LMBR1: variants seen among roughly 807,000 people sequenced by gnomAD.
The protein encoded by LMBR1 is limb region 1 protein homolog.
A neutral mutation model predicts 73.9 loss-of-function variants in LMBR1; 52 were observed. The observed-to-expected ratio is 0.70, with a 90% confidence interval of 0.56 to 0.89. The LOEUF is 0.89. Among genes scored for constraint, LMBR1 ranks in the 40% least tolerant of loss-of-function variants. The pLI is 0.00. For missense variants in LMBR1, 539 were observed against 579.8 expected (o/e 0.93, Z 0.72); for synonymous variants, 215 against 209.4 (o/e 1.03, Z -0.23).
intron 1 of LMBR1, among the ~76,000 whole-genome samples, chr7:156,875,268 G>T (rs1799984366): frequency 6.6e-6 from 1 of 151,964 alleles, no homozygotes. Flanking sequence ...ATGAATAAGA[G>T]AAAGAAAAAA....
intron 5 of LMBR1, among the ~76,000 whole-genome samples, chr7:156,791,838 T>C (rs1243875342): frequency 1.3e-5 from 2 of 152,194 alleles, no homozygotes; most frequent in Non-Finnish European, 2.9e-5. Context: ...TGTTACCTTT[T>C]ATGCTATGAC....
chr7:156,839,047 CTTTTT>C (rs1164786244), intron 1 of LMBR1, among the ~76,000 whole-genome samples: 1 of 98,518 alleles, frequency 1.0e-5, no homozygotes, highest in Non-Finnish European at 2.0e-5. Flanking sequence ...TAGTCCTTTG[CTTTTT>C]TTTTTTTTTT....
At chr7:156,802,404 C>T (rs1369993411) in intron 4 of LMBR1, among the ~76,000 whole-genome samples, 1 of 152,180 alleles carries the variant, frequency 6.6e-6, no homozygotes, top group East Asian at 1.9e-4. Flanking sequence ...ATGCCTGCTA[C>T]AGTGCTGAGT....
chr7:156,676,894 G>T, downstream of LMBR1: 1 of 466,952 alleles, frequency 2.1e-6, no homozygotes, highest in Non-Finnish European at 3.9e-6. Context: ...AATATGAATA[G>T]CAAAAAATGA....
chr7:156,889,564 T>C (rs1458916380), intron 1 of LMBR1, among the ~76,000 whole-genome samples: 4 of 152,168 alleles, frequency 2.6e-5, no homozygotes, highest in Admixed American at 2.6e-4. Context: ...GCGCTGGTTC[T>C]GTAGAAGATG....
chr7:156,742,279 A>G (rs533394448), intron 9 of LMBR1, among the ~76,000 whole-genome samples: 1 of 152,218 alleles, frequency 6.6e-6, no homozygotes, highest in African/African-American at 2.4e-5. Context: ...AAAAGAAATA[A>G]TAAAGATCAA....
chr7:156,848,247 A>C (rs550291123), intron 1 of LMBR1, among the ~76,000 whole-genome samples: 1 of 152,296 alleles, frequency 6.6e-6, no homozygotes, highest in South Asian at 2.1e-4. Flanking sequence ...TAATTAAACT[A>C]AACAGCTTCT....
At chr7:156,814,718 A>C (rs1483121886) in intron 4 of LMBR1, among the ~76,000 whole-genome samples, 1 of 152,254 alleles carries the variant, frequency 6.6e-6, no homozygotes, top group Non-Finnish European at 1.5e-5. Flanking sequence ...GACCTTGAAG[A>C]GGGACTGCAA....
At chr7:156,885,816 T>C (rs1261732412) in intron 1 of LMBR1, among the ~76,000 whole-genome samples, 1 of 152,096 alleles carries the variant, frequency 6.6e-6, no homozygotes, top group East Asian at 1.9e-4. Context: ...AAGCAGAGGT[T>C]ATCGTGAGCC....
Position 156,708,489 on chromosome 7 carries a change from C to G in LMBR1, c.1225+15623G>C, listed in dbSNP as rs566884770. On this transcript the variant is annotated intron_variant, in intron 15 of 16. Transcript: ENST00000353442. The stretch of plus-strand genomic sequence containing the variant: ...GGCAGGAAGAGCCCTGTAGGCTCTC[C>G]CAGTCTCCAGCTCAAGCCCAGGGAA... Among the ~76,000 whole-genome samples the G allele has an allele frequency of 4.3e-4, 66 of 152,238 alleles. 1 individual carries two copies. In the East Asian group the frequency reaches 0.012, roughly 28 times the overall value.
rs71189961 is a variant in LMBR1, at chr7:156,724,764, CTGTGTGTGTG to C, written c.1159-596_1159-587del. ...CTACTTATTAAGTTTAAAGAAATAG[CTGTGTGTGTG>C]TGTGTGTGTGTGTGTGTGTGTGTGT... is the stretch of plus-strand genomic sequence containing the variant. On this transcript the variant is annotated intron_variant, in intron 14 of 16. Coordinates refer to ENST00000353442, the MANE Select transcript of LMBR1 (RefSeq NM_022458.4). Among the ~76,000 whole-genome samples, 858 of 146,512 alleles carry C rather than the reference CTGTGTGTGTG, an allele frequency of 5.9e-3. 9 individuals carry two copies. The highest frequency in any genetic ancestry group is 0.017 in the African/African-American group (693 of 39,966).
chr7:156,822,699 A>T (rs1236888367), intron 4 of LMBR1: 1 of 152,214 alleles, frequency 6.6e-6, no homozygotes, highest in Non-Finnish European at 1.5e-5. Flanking sequence ...GCAAAATAAC[A>T]ATCAGAAAAA....
chr7:156,799,194 T>C (rs1380035559), intron 4 of LMBR1, among the ~76,000 whole-genome samples: 1 of 146,636 alleles, frequency 6.8e-6, no homozygotes, highest in African/African-American at 2.5e-5. Flanking sequence ...AGAGCGAGAC[T>C]CCATCTCAAA....
chr7:156,767,917 G>T (rs1242520273), intron 5 of LMBR1, among the ~76,000 whole-genome samples: 3 of 152,032 alleles, frequency 2.0e-5, no homozygotes, highest in Non-Finnish European at 4.4e-5. Flanking sequence ...AAAATGTACA[G>T]GAGTCTGGTT....
intron 15 of LMBR1, among the ~76,000 whole-genome samples, chr7:156,700,722 G>A (rs1008949131): frequency 1.3e-5 from 2 of 151,968 alleles, no homozygotes; most frequent in Non-Finnish European, 2.9e-5. Flanking sequence ...TTCTTCTTCT[G>A]AGCCCTCCAA....
intron 9 of LMBR1, among the ~76,000 whole-genome samples, chr7:156,751,350 A>C (rs1820837389): frequency 6.6e-6 from 1 of 152,186 alleles, no homozygotes; most frequent in African/African-American, 2.4e-5. Context: ...GGAAGAGAGA[A>C]GGTGGAGGAA....
rs191159055 is a variant in LMBR1, at chr7:156,790,318, A to G, written c.423+6071T>C. Reference sequence around the variant, plus strand: ...AAAATGTGTCTTGGGTACTTTACCAACCTTTTAGGTGAGGCTACTAAATCC... The same window carrying G: ...AAAATGTGTCTTGGGTACTTTACCAGCCTTTTAGGTGAGGCTACTAAATCC... On this transcript the variant is annotated intron_variant, in intron 5 of 16. Transcript: ENST00000353442. 3.7e-4 allele frequency among the ~76,000 whole-genome samples: 56 copies of G among 152,116 alleles called. No homozygotes were observed. In the East Asian group the frequency reaches 6.2e-3, roughly 17 times the overall value.
rs188305400 is a variant in LMBR1, at chr7:156,691,881, T to A, written c.1226-3690A>T. ...TCTAAACCATTTTTTTGAAATAATATTAGCTAAGACAGTGTTGGGAAAAAA... is the reference window on the plus strand; with the variant it reads ...TCTAAACCATTTTTTTGAAATAATAATAGCTAAGACAGTGTTGGGAAAAAA... On this transcript the variant is annotated intron_variant, in intron 15 of 16. Coordinates refer to ENST00000353442, the MANE Select transcript of LMBR1 (RefSeq NM_022458.4). 1.6e-3 allele frequency among the ~76,000 whole-genome samples: 241 copies of A among 152,308 alleles called. 1 individual carries two copies. The Middle Eastern group carries it at 0.02, about 13-fold the overall frequency.
intron 4 of LMBR1, among the ~76,000 whole-genome samples, chr7:156,815,108 A>C (rs1417038311): frequency 6.7e-6 from 1 of 148,912 alleles, no homozygotes; most frequent in Non-Finnish European, 1.5e-5. Context: ...GTGAGCCAAG[A>C]TCATGCCATT....
Sources: gnomAD v4.1 joint callset for allele counts (sites outside exome capture counted in the v4.1 genomes callset) on GRCh38, gnomAD v4.1.1 for gene constraint, MANE v1.5 for transcripts, NCBI Gene and HGNC (gene_info 2026-07-23, HGNC 2026-07-21) for gene names.